The following CNTNAP2 variants were observed in gnomAD, a reference collection of about 807,000 sequenced individuals.
CNTNAP2 encodes contactin-associated protein-like 2.
A neutral mutation model predicts 155.2 loss-of-function variants in CNTNAP2; 98 were observed. That is an observed-to-expected ratio of 0.63 (90% CI 0.54 to 0.75). The LOEUF (loss-of-function observed/expected upper bound fraction) is 0.75, where lower values mean the gene tolerates loss of function less well. CNTNAP2 is among the 30% of genes least tolerant of loss of function. The probability of loss-of-function intolerance (pLI) is 0.00; values close to 1 mark genes in which losing one functional copy is unlikely to be tolerated. For synonymous variants in CNTNAP2, 651 were observed against 631.2 expected, an observed-to-expected ratio of 1.03 and a Z score of -0.47; for missense variants, 1,727 against 1,688.1, an observed-to-expected ratio of 1.02 and a Z score of -0.40.
intron 10 of CNTNAP2, among the ~76,000 whole-genome samples, chr7:147,479,902 A>T: frequency 6.6e-6 from 1 of 152,148 alleles, no homozygotes; most frequent in East Asian, 1.9e-4. Flanking sequence ...TAAATTAGTT[A>T]CTGGAATTGT....
intron 1 of CNTNAP2, among the ~76,000 whole-genome samples, chr7:146,370,191 G>T (rs1054153268): frequency 6.7e-6 from 1 of 150,014 alleles, no homozygotes; most frequent in African/African-American, 2.5e-5. Flanking sequence ...GGAGGCCGGG[G>T]CAGGTGGATC....
intron 1 of CNTNAP2, among the ~76,000 whole-genome samples, chr7:146,264,483 GA>G (rs1317443624): frequency 6.6e-6 from 1 of 151,404 alleles, no homozygotes; most frequent in Non-Finnish European, 1.5e-5. Flanking sequence ...AAGAAAGAAA[GA>G]AAAGAAAAGT....
chr7:147,550,763 A>G (rs886098874), intron 11 of CNTNAP2, among the ~76,000 whole-genome samples: 5 of 152,218 alleles, frequency 3.3e-5, no homozygotes, highest in African/African-American at 1.2e-4. Context: ...CTTGTTCCCC[A>G]AATAACCACA....
intron 10 of CNTNAP2, among the ~76,000 whole-genome samples, chr7:147,481,410 A>G (rs1388651603): frequency 1.3e-5 from 2 of 152,228 alleles, no homozygotes; most frequent in Admixed American, 6.5e-5. Flanking sequence ...ATTAAAATCA[A>G]GTTCAGAAAT....
rs142637884 is a variant in CNTNAP2, at chr7:146,641,821, A to G, written c.98-132450A>G. Among the ~76,000 whole-genome samples, 1,411 of 152,354 alleles carry G rather than the reference A, an allele frequency of 9.3e-3. 6 individuals carry two copies. Among genetic ancestry groups the G allele is most frequent in the Middle Eastern group, 0.02 (6 of 294 alleles). Reference sequence around the variant, plus strand: ...ATTCAGAACAGATGAATATATGTCTATCAGTGAGCATATTAAAACCTAATA... The same window carrying G: ...ATTCAGAACAGATGAATATATGTCTGTCAGTGAGCATATTAAAACCTAATA... On this transcript the variant is annotated intron_variant, in intron 1 of 23. Coordinates refer to ENST00000361727, the MANE Select transcript of CNTNAP2 (RefSeq NM_014141.6).
In CNTNAP2 at chr7:146,880,279, T is replaced by G. The variant is rs556635645; in HGVS notation, c.402+40375T>G. Among the ~76,000 whole-genome samples the G allele has an allele frequency of 7.8e-4, 119 of 152,214 alleles. 1 individual carries two copies. The highest frequency in any genetic ancestry group is 2.7e-3 in the African/African-American group (112 of 41,550). On this transcript the variant is annotated intron_variant, in intron 3 of 23. Coordinates refer to ENST00000361727, the MANE Select transcript of CNTNAP2 (RefSeq NM_014141.6). ...GAAGTTGGAGCCTTCGTGATGGGAT[T>G]AGAGCCCTTATAGAAAGAAATTCAT...
intron 1 of CNTNAP2, among the ~76,000 whole-genome samples, chr7:146,299,417 T>G (rs1258357738): frequency 6.6e-6 from 1 of 152,176 alleles, no homozygotes; most frequent in Non-Finnish European, 1.5e-5. Context: ...TTATTTATTT[T>G]AGAGTTGGAG....
At chr7:146,261,164 C>A (rs946880672) in intron 1 of CNTNAP2, among the ~76,000 whole-genome samples, 1 of 152,126 alleles carries the variant, frequency 6.6e-6, no homozygotes, top group Non-Finnish European at 1.5e-5. Context: ...GAGGCCTCCC[C>A]AGCCACATGG....
intron 14 of CNTNAP2, among the ~76,000 whole-genome samples, chr7:147,924,534 G>A (rs1033610724): frequency 2.0e-5 from 3 of 152,170 alleles, no homozygotes; most frequent in South Asian, 4.1e-4. Flanking sequence ...TAAAGAAACC[G>A]AGGCTTAGAG....
At chr7:148,007,804 T>C (rs570346890) in intron 15 of CNTNAP2, among the ~76,000 whole-genome samples, 53 of 152,316 alleles carry the variant, frequency 3.5e-4, no homozygotes, top group Middle Eastern at 3.4e-3. Context: ...TCCATACTCA[T>C]TAAATATATG....
chr7:147,673,545 C>A (rs1795821642), intron 13 of CNTNAP2, among the ~76,000 whole-genome samples: 1 of 152,152 alleles, frequency 6.6e-6, no homozygotes, highest in Non-Finnish European at 1.5e-5. Flanking sequence ...AAGAAAAAAA[C>A]CTCATTATTC....
chr7:148,226,357 G>T (rs1344366309), intron 19 of CNTNAP2, among the ~76,000 whole-genome samples: 2 of 152,022 alleles, frequency 1.3e-5, no homozygotes, highest in Non-Finnish European at 2.9e-5. Context: ...GGGCAGAAGA[G>T]GGTGCCCCCT....
intron 2 of CNTNAP2, among the ~76,000 whole-genome samples, chr7:146,781,855 A>G (rs1030069550): frequency 3.3e-5 from 5 of 152,122 alleles, no homozygotes; most frequent in Non-Finnish European, 5.9e-5. Context: ...CTGATATACT[A>G]TAAACTGGGA....
intron 1 of CNTNAP2, among the ~76,000 whole-genome samples, chr7:146,221,359 C>T (rs561173013): frequency 8.6e-4 from 131 of 151,830 alleles, no homozygotes; most frequent in African/African-American, 2.8e-3. Context: ...TATAAATATA[C>T]GTTTAAATAT....
At chr7:147,371,027 C>A (rs1013467095) in intron 9 of CNTNAP2, among the ~76,000 whole-genome samples, 3 of 152,078 alleles carry the variant, frequency 2.0e-5, no homozygotes, top group Admixed American at 6.6e-5. Flanking sequence ...TGTGCTATAA[C>A]TGACTGTCAA....
At chr7:148,075,823 G>A (rs929849626) in intron 15 of CNTNAP2, among the ~76,000 whole-genome samples, 1 of 152,120 alleles carries the variant, frequency 6.6e-6, no homozygotes, top group Non-Finnish European at 1.5e-5. Flanking sequence ...GCTTGGGAAA[G>A]CAACCACATA....
intron 10 of CNTNAP2, among the ~76,000 whole-genome samples, chr7:147,479,411 T>C (rs1798382193): frequency 6.6e-6 from 1 of 152,254 alleles, no homozygotes; most frequent in African/African-American, 2.4e-5. Flanking sequence ...GTGTCTTATG[T>C]GGAACAGGCG....
intron 10 of CNTNAP2, among the ~76,000 whole-genome samples, chr7:147,409,580 C>A (rs1797067802): frequency 6.6e-6 from 1 of 152,122 alleles, no homozygotes; most frequent in South Asian, 2.1e-4. Flanking sequence ...ATCCTCTGCA[C>A]AGCAAAAGAA....
At chr7:147,145,309 C>T (rs1333987521) in intron 8 of CNTNAP2, among the ~76,000 whole-genome samples, 2 of 152,124 alleles carry the variant, frequency 1.3e-5, no homozygotes, top group Non-Finnish European at 2.9e-5. Flanking sequence ...TTGGCAATAC[C>T]TGGAGACATT....
Sources: allele counts gnomAD v4.1 joint callset (sites outside exome capture counted in the v4.1 genomes callset), GRCh38; gene constraint gnomAD v4.1.1; transcripts MANE v1.5; gene names NCBI Gene and HGNC (gene_info 2026-07-23, HGNC 2026-07-21).